NAV3: variants seen among roughly 807,000 people sequenced by gnomAD.
The protein encoded by NAV3 is neuron navigator 3, also known as pore membrane and/or filament interacting like protein 1.
A neutral mutation model predicts 244.7 loss-of-function variants in NAV3; 87 were observed. The ratio of observed to expected loss-of-function variants is 0.36; its 90% confidence interval spans 0.30 to 0.42. The LOEUF is 0.42. Ranked by LOEUF, NAV3 falls within the 20% of genes least tolerant of loss-of-function variation. The pLI is 1.00. For synonymous variants in NAV3, 1,126 were observed against 1,042.2 expected (o/e 1.08, Z -1.55); for missense variants, 2,663 against 2,893.3 (o/e 0.92, Z 1.83).
At chr12:77,947,553 T>G (rs1470938560) in intron 3 of NAV3, 1 of 151,610 alleles carries the variant, frequency 6.6e-6, no homozygotes, top group Non-Finnish European at 1.5e-5. Flanking sequence ...CTCAGAGGAG[T>G]GGAATATTGC....
At chr12:78,063,685 G>C (rs1323774283) in intron 12 of NAV3, among the ~76,000 whole-genome samples, 1 of 152,156 alleles carries the variant, frequency 6.6e-6, no homozygotes, top group Non-Finnish European at 1.5e-5. Context: ...CTACCTGGGA[G>C]TATAAAGGAA....
intron 2 of NAV3, among the ~76,000 whole-genome samples, chr12:77,731,909 A>G (rs1490837544): frequency 6.6e-6 from 1 of 152,108 alleles, no homozygotes; most frequent in South Asian, 2.1e-4. Context: ...CAGAGGAAAG[A>G]CAATTGAGGA....
chr12:77,867,619 A>C, intron 1 of NAV3, among the ~76,000 whole-genome samples: 1 of 151,946 alleles, frequency 6.6e-6, no homozygotes, highest in Non-Finnish European at 1.5e-5. Context: ...ACGGGGTTTC[A>C]CTGTGTTAGC....
chr12:78,046,232 A>T (rs1225901628), intron 9 of NAV3, among the ~76,000 whole-genome samples: 1 of 152,104 alleles, frequency 6.6e-6, no homozygotes, highest in East Asian at 1.9e-4. Flanking sequence ...TATCTCCTTC[A>T]GTTCTGCTCT....
At chr12:78,122,618 G>A (rs936495445) in intron 16 of NAV3, among the ~76,000 whole-genome samples, 190 bp downstream of exon 16, 4 of 152,074 alleles carry the variant, frequency 2.6e-5, no homozygotes, top group African/African-American at 9.7e-5. Flanking sequence ...TTAAAGGTAG[G>A]GTGAGTGGAT....
chr12:78,105,241 A>G (rs1165837291), intron 12 of NAV3, among the ~76,000 whole-genome samples: 1 of 152,102 alleles, frequency 6.6e-6, no homozygotes, highest in Non-Finnish European at 1.5e-5. Flanking sequence ...TTGTGGTTGA[A>G]TGACTGTACT....
intron 2 of NAV3, among the ~76,000 whole-genome samples, chr12:77,635,236 A>G (rs975838956): frequency 2.0e-5 from 3 of 152,116 alleles, no homozygotes; most frequent in African/African-American, 7.2e-5. Flanking sequence ...TCAAAAAAAA[A>G]AAAGAGAGAA....
Position 78,210,315 on chromosome 12 carries a change from G to A in NAV3, c.7039-83G>A, listed in dbSNP as rs35520312. ...CTTGGATGGGATAAGATAGCTCTTC[G>A]GTGTGGCTCAGGGCCTTGTTTTTTA... On this transcript the variant is annotated intron_variant, in intron 39 of 39. Coordinates refer to ENST00000397909, the MANE Select transcript of NAV3 (RefSeq NM_001024383.2). 3.9e-4 allele frequency: 611 copies of A among 1,577,184 alleles called. 1 individual carries two copies. Among genetic ancestry groups the A allele is most frequent in the African/African-American group, 3.3e-3 (241 of 73,096 alleles).
At chr12:78,156,405 A>G (rs1957307513) in intron 22 of NAV3, among the ~76,000 whole-genome samples, 1 of 152,102 alleles carries the variant, frequency 6.6e-6, no homozygotes, top group South Asian at 2.1e-4. Flanking sequence ...TTTGTGCATA[A>G]TTACAAACTG....
chr12:77,669,474 A>G (rs767558532), intron 2 of NAV3, among the ~76,000 whole-genome samples: 1 of 152,138 alleles, frequency 6.6e-6, no homozygotes, highest in Non-Finnish European at 1.5e-5. Context: ...ACACATCAGG[A>G]CTCACATAAA....
At chr12:77,808,628 TCTCCCAGTCAGGAGGCGC>T (rs1325028021) in intron 2 of NAV3, among the ~76,000 whole-genome samples, 1 of 152,122 alleles carries the variant, frequency 6.6e-6, no homozygotes, top group African/African-American at 2.4e-5. Context: ...CTGGGAGGTG[TCTCCCAGTCAGGAGGCGC>T]AGGGATCAGG....
At chr12:77,630,094 G>A (rs577984829) in intron 2 of NAV3, among the ~76,000 whole-genome samples, 3 of 152,278 alleles carry the variant, frequency 2.0e-5, no homozygotes, top group Admixed American at 6.5e-5. Context: ...AAAACAGTTA[G>A]GATCTGGACA....
At chr12:78,041,544 A>G (rs1880860863) in intron 9 of NAV3, among the ~76,000 whole-genome samples, 1 of 152,204 alleles carries the variant, frequency 6.6e-6, no homozygotes, top group Non-Finnish European at 1.5e-5. Context: ...TAAGGGAGAC[A>G]AATTTTTGCT....
chr12:78,175,523 A>C, intron 25 of NAV3, 96 bp downstream of exon 25: 1 of 1,477,480 alleles, frequency 6.8e-7, no homozygotes, highest in Non-Finnish European at 9.1e-7. Context: ...GTAGTTTACA[A>C]AGGGTCCCAT....
At chr12:77,697,260 C>G (rs1269111522) in intron 2 of NAV3, among the ~76,000 whole-genome samples, 2 of 152,146 alleles carry the variant, frequency 1.3e-5, no homozygotes, top group Non-Finnish European at 1.5e-5. Context: ...TCATCCACCC[C>G]CCTCTTCCTT....
chr12:77,778,310 C>T (rs973346980), intron 2 of NAV3, among the ~76,000 whole-genome samples: 16 of 150,106 alleles, frequency 1.1e-4, no homozygotes, highest in Admixed American at 7.3e-4. Flanking sequence ...TTCCAAATTT[C>T]GTAATGAGAA....
intron 22 of NAV3, among the ~76,000 whole-genome samples, chr12:78,156,232 G>A (rs1957300327): frequency 6.6e-6 from 1 of 151,960 alleles, no homozygotes; most frequent in Non-Finnish European, 1.5e-5. Context: ...AGTTCTACCA[G>A]CACCATTTAT....
chr12:77,992,132 C>T (rs2136368259), intron 5 of NAV3, among the ~76,000 whole-genome samples: 1 of 152,258 alleles, frequency 6.6e-6, no homozygotes, highest in South Asian at 2.1e-4. Flanking sequence ...TTGACCTTTG[C>T]TTCCTTCACC....
chr12:78,058,297 G>A (rs191422541), intron 11 of NAV3, among the ~76,000 whole-genome samples: 123 of 152,284 alleles, frequency 8.1e-4, no homozygotes, highest in African/African-American at 2.7e-3. Flanking sequence ...ATAGTGGAAA[G>A]TCAAGGGACA....
Sources: gnomAD v4.1 joint callset for allele counts (sites outside exome capture counted in the v4.1 genomes callset) on GRCh38, gnomAD v4.1.1 for gene constraint, MANE v1.5 for transcripts, NCBI Gene and HGNC (gene_info 2026-07-23, HGNC 2026-07-21) for gene names.